The following WDR41 variants were observed in gnomAD, a reference collection of about 807,000 sequenced individuals.
WDR41 encodes WD repeat domain 41.
Under a neutral mutation model 69.3 loss-of-function variants are expected in WDR41, and 63 were observed. The observed-to-expected ratio is 0.91, with a 90% CI of 0.74 to 1.12. The LOEUF is 1.12. Ranked by LOEUF, WDR41 falls within the 50% of genes most tolerant of loss-of-function variation. The probability of loss-of-function intolerance (pLI) is 0.00; values close to 1 mark genes in which losing one functional copy is unlikely to be tolerated. For synonymous variants in WDR41, 185 were observed against 192.1 expected, an observed-to-expected ratio of 0.96 and a Z score of 0.31; for missense variants, 543 against 534.5, an observed-to-expected ratio of 1.02 and a Z score of -0.16.
At chr5:77,616,262 T>A (rs1744679864) in intron 1 of WDR41, among the ~76,000 whole-genome samples, 1 of 152,160 alleles carries the variant, frequency 6.6e-6, no homozygotes, top group African/African-American at 2.4e-5. Context: ...GCATTCTCAG[T>A]AACTAGCCTG....
At chr5:77,483,548 C>CA (rs1801382558) in intron 2 of WDR41, among the ~76,000 whole-genome samples, 1 of 147,180 alleles carries the variant, frequency 6.8e-6, no homozygotes, top group African/African-American at 2.5e-5. Flanking sequence ...CATTGATATA[C>CA]TTCTTTTTCG....
chr5:77,502,978 C>T (rs1338551259), intron 1 of WDR41, among the ~76,000 whole-genome samples: 1 of 152,044 alleles, frequency 6.6e-6, no homozygotes, highest in Non-Finnish European at 1.5e-5. Flanking sequence ...AAATAACCAG[C>T]TAACATCATA....
At chr5:77,451,473 G>T in intron 6 of WDR41, 120 bp from the exon 7 acceptor site, 1 of 792,624 alleles carries the variant, frequency 1.3e-6, no homozygotes. Context: ...CACAGAACTA[G>T]CTCCACACAC....
At position 77,439,884 on chromosome 5, in the gene WDR41, CTCTA is replaced by C. The variant is rs1161668702; in HGVS notation, c.882+925_882+928del. 2.6e-5 allele frequency among the ~76,000 whole-genome samples: 4 copies of C among 152,216 alleles called. No homozygotes were observed. The East Asian group carries it at 7.7e-4, about 29-fold the overall frequency. On this transcript the variant is annotated intron_variant, in intron 9 of 12. Coordinates refer to ENST00000296679, the MANE Select transcript of WDR41 (RefSeq NM_018268.4). The stretch of plus-strand genomic sequence containing the variant: ...GGGCTACAACTCTTAGTGATCTAGT[CTCTA>C]TCTTTTCTGAAACCATACTGTCTTT...
chr5:77,606,591 C>A (rs1267138628), intron 1 of WDR41, among the ~76,000 whole-genome samples: 1 of 151,866 alleles, frequency 6.6e-6, no homozygotes, highest in Non-Finnish European at 1.5e-5. Flanking sequence ...TCACTTGAGG[C>A]CAGGAGTTCA....
chr5:77,537,630 G>A (rs1480423470), intron 1 of WDR41, among the ~76,000 whole-genome samples: 1 of 152,154 alleles, frequency 6.6e-6, no homozygotes, highest in Non-Finnish European at 1.5e-5. Context: ...GTTTCGGGGA[G>A]TGGGCTCTGG....
At chr5:77,553,627 A>C (rs962511263) in intron 1 of WDR41, among the ~76,000 whole-genome samples, 6 of 152,220 alleles carry the variant, frequency 3.9e-5, no homozygotes, top group African/African-American at 1.4e-4. Context: ...AAAATCTATT[A>C]AATGAACAAA....
chr5:77,449,159 TC>T (rs1273370741), intron 8 of WDR41, among the ~76,000 whole-genome samples: 1 of 152,152 alleles, frequency 6.6e-6, no homozygotes, highest in East Asian at 1.9e-4. Context: ...CCATCTGATG[TC>T]AGATTTAGCT....
chr5:77,493,787 A>G (rs1801893549), upstream of WDR41, among the ~76,000 whole-genome samples: 2 of 152,196 alleles, frequency 1.3e-5, no homozygotes, highest in Non-Finnish European at 2.9e-5. Context: ...TTGCCCAAAT[A>G]GCCTACATTT....
chr5:77,489,482 A>G lies in WDR41; in HGVS notation c.142T>C (p.Phe48Leu). The G allele has an allele frequency of 5.6e-6, 9 of 1,604,534 alleles. No homozygotes were observed. Among genetic ancestry groups the G allele is most frequent in the Non-Finnish European group, 7.7e-6 (9 of 1,175,788 alleles). ...VLKAHHDIVR[F>L]LVQLDDYRFA... is the part of the protein sequence containing the mutation. ...CTGTAGTCATCTAACTGTACCAGAA[A>G]TCGTACAATATCATGATGAGCCTTC... The change falls in exon 2 of 13, where the codon TTT (phenylalanine) becomes CTT (leucine). Residue 48 changes from phenylalanine to leucine, a missense_variant. Phe to Leu is a conservative substitution (Grantham distance 22). Transcript: ENST00000296679.
chr5:77,532,763 A>T (rs973587978), intron 1 of WDR41, among the ~76,000 whole-genome samples: 5 of 152,186 alleles, frequency 3.3e-5, no homozygotes, highest in Admixed American at 6.5e-5. Flanking sequence ...TAAATATTTT[A>T]AAAATTATAC....
At chr5:77,603,151 T>C (rs983781791) in intron 1 of WDR41, among the ~76,000 whole-genome samples, 1 of 152,150 alleles carries the variant, frequency 6.6e-6, no homozygotes, top group Admixed American at 6.5e-5. Context: ...TTAGCCAGGA[T>C]GGTCTCGATC....
intron 1 of WDR41, among the ~76,000 whole-genome samples, chr5:77,540,748 A>T (rs1459902078): frequency 2.0e-5 from 3 of 151,054 alleles, no homozygotes; most frequent in Non-Finnish European, 4.4e-5. Context: ...GGAGGGAGGG[A>T]GGAAGGAAGG....
intron 2 of WDR41, among the ~76,000 whole-genome samples, chr5:77,478,110 C>T (rs1291536371): frequency 6.6e-5 from 10 of 152,218 alleles, no homozygotes; most frequent in African/African-American, 1.9e-4. Context: ...ATACACCCTC[C>T]CAAGACTAAA....
chr5:77,526,667 C>A (rs1802451476), intron 1 of WDR41, among the ~76,000 whole-genome samples: 1 of 152,064 alleles, frequency 6.6e-6, no homozygotes, highest in Non-Finnish European at 1.5e-5. Context: ...TTTTTCACCC[C>A]AATACACACA....
At chr5:77,492,781 G>A (rs1476466996), upstream of WDR41, among the ~76,000 whole-genome samples, 2 of 150,304 alleles carry the variant, frequency 1.3e-5, no homozygotes, top group East Asian at 1.9e-4. Flanking sequence ...GAATAAATCC[G>A]GCCAACATTT....
chr5:77,515,988 A>G (rs1802286198), intron 1 of WDR41, among the ~76,000 whole-genome samples: 2 of 152,168 alleles, frequency 1.3e-5, no homozygotes, highest in African/African-American at 4.8e-5. Context: ...TGCATGTAAC[A>G]TTTTAGTATT....
upstream of WDR41, among the ~76,000 whole-genome samples, chr5:77,495,442 C>T (rs981312398): frequency 2.6e-5 from 4 of 151,858 alleles, no homozygotes; most frequent in Non-Finnish European, 4.4e-5. Flanking sequence ...AAAGTGGAGA[C>T]ATTACTACTG....
chr5:77,475,575 C>A (rs532935308), intron 2 of WDR41, among the ~76,000 whole-genome samples: 6 of 152,128 alleles, frequency 3.9e-5, no homozygotes, highest in African/African-American at 1.4e-4. Flanking sequence ...ACACCTCACA[C>A]GGCCGGGTAC....
Sources: gnomAD v4.1 joint callset for allele counts (sites outside exome capture counted in the v4.1 genomes callset) on GRCh38, gnomAD v4.1.1 for gene constraint, MANE v1.5 for transcripts, NCBI Gene and HGNC (gene_info 2026-07-23, HGNC 2026-07-21) for gene names.